Variants in NOX4 observed in about 807,000 individuals in gnomAD.
The protein encoded by NOX4 is kidney oxidase-1.
Under a neutral mutation model 87.6 loss-of-function variants are expected in NOX4, and 69 were observed. The ratio of observed to expected loss-of-function variants is 0.79; its 90% CI spans 0.65 to 0.96. The LOEUF is 0.96. NOX4 is among the 40% of genes least tolerant of loss of function. The pLI, the probability that NOX4 is intolerant of heterozygous loss-of-function variation, is 0.00. For missense variants in NOX4, 680 were observed against 681.5 expected (o/e 1.00, Z 0.02); for synonymous variants, 275 against 238.2 (o/e 1.15, Z -1.42).
At chr11:89,571,362 T>A in the NOX4 span, among the ~76,000 whole-genome samples, 1 of 151,862 alleles carries the variant, frequency 6.6e-6, no homozygotes, top group Non-Finnish European at 1.5e-5. Flanking sequence ...AGTGGCATGA[T>A]GTCGACTCAC....
At chr11:89,438,726 A>G (rs1337874356) in intron 6 of NOX4, among the ~76,000 whole-genome samples, 1 of 68,854 alleles carries the variant, frequency 1.5e-5, no homozygotes, top group Non-Finnish European at 2.5e-5. Flanking sequence ...ATATTATTAT[A>G]TCATATATAC....
chr11:89,493,604 G>T (rs897290888), upstream of NOX4, among the ~76,000 whole-genome samples: 1 of 151,880 alleles, frequency 6.6e-6, no homozygotes, highest in Admixed American at 6.6e-5. Flanking sequence ...TGTTTATGTT[G>T]CTTTACCAGG....
At chr11:89,545,747 C>A in the NOX4 span, 1 of 147,172 alleles carries the variant, frequency 6.8e-6, no homozygotes, top group African/African-American at 2.5e-5. Context: ...ATTATTTTCT[C>A]TCTTTCCTGC....
At chr11:89,461,304 A>G (rs893906014) in intron 2 of NOX4, among the ~76,000 whole-genome samples, 2 of 152,066 alleles carry the variant, frequency 1.3e-5, no homozygotes, top group African/African-American at 2.4e-5. Context: ...AACTTAAAGT[A>G]TAATTAAAAA....
At chr11:89,416,254 TA>T (rs779087010) in intron 8 of NOX4, among the ~76,000 whole-genome samples, 2 of 152,130 alleles carry the variant, frequency 1.3e-5, no homozygotes, top group Non-Finnish European at 2.9e-5. Flanking sequence ...TAGAGGAAAG[TA>T]AAAATTTTCT....
rs1565293258 is a variant in NOX4 at position 89,438,804 on chromosome 11, ATATATT to A, written c.475+1878_475+1883del. ...AATAATATATAGTGTATAATATATT[ATATATT>A]ATATATATTATATAATATCTTATAT... On this transcript the variant is annotated intron_variant, in intron 6 of 17. Transcript: ENST00000263317. 0.014 allele frequency among the ~76,000 whole-genome samples: 372 copies of A among 26,164 alleles called. 17 individuals are homozygous for A. The African/African-American group carries it at 0.15, about 11-fold the overall frequency. The allele number at this position is 26,164 out of a possible 152,430, so 17.2% of individuals were successfully genotyped here.
chr11:89,489,759 A>G (rs1946778697), intron 2 of NOX4, among the ~76,000 whole-genome samples: 1 of 151,904 alleles, frequency 6.6e-6, no homozygotes, highest in South Asian at 2.1e-4. Flanking sequence ...GAAAGAAAGA[A>G]AAAGAAAACG....
chr11:89,439,272 TAA>T (rs922937090), intron 6 of NOX4, among the ~76,000 whole-genome samples: 2 of 151,726 alleles, frequency 1.3e-5, no homozygotes, highest in African/African-American at 4.8e-5. Context: ...GGTTGATACG[TAA>T]AGTTTTCTTT....
At chr11:89,506,174 A>G in the NOX4 span, among the ~76,000 whole-genome samples, 2 of 151,434 alleles carry the variant, frequency 1.3e-5, no homozygotes, top group Non-Finnish European at 3.0e-5. Context: ...AGTCTTCCTA[A>G]TAACAGTTTT....
At chr11:89,410,953 G>A (rs958577963) in intron 8 of NOX4, among the ~76,000 whole-genome samples, 11 of 152,000 alleles carry the variant, frequency 7.2e-5, no homozygotes, top group Non-Finnish European at 2.9e-5. Flanking sequence ...TCACAGTTCT[G>A]GGAGAGACCT....
intron 17 of NOX4, among the ~76,000 whole-genome samples, chr11:89,333,855 C>T (rs1402668259): frequency 1.3e-5 from 2 of 151,694 alleles, no homozygotes; most frequent in Non-Finnish European, 3.0e-5. Context: ...GCCTGAGAAC[C>T]AATACACAAA....
At chr11:89,347,709 AATAGTCATCAC>A (rs553382630) in intron 13 of NOX4, among the ~76,000 whole-genome samples, 41 of 152,248 alleles carry the variant, frequency 2.7e-4, no homozygotes, top group Non-Finnish European at 4.3e-4. Context: ...CTTCTTGCAT[AATAGTCATCAC>A]ATTCTGTTAA....
rs1206330607 is a variant in NOX4, at chr11:89,367,800, A to C, written c.1135+5632T>G. ...GACCAAGTTTCATAGCAAGATCTAC[A>C]AGCTCTTCCTTGGCCTAATATTTGG... On this transcript the variant is annotated intron_variant, in intron 12 of 17. Coordinates refer to ENST00000263317, the MANE Select transcript of NOX4 (RefSeq NM_016931.5). 2.0e-5 allele frequency among the ~76,000 whole-genome samples: 3 copies of C among 152,190 alleles called. No individual in the cohort carries two copies. In the East Asian group the frequency reaches 5.8e-4, roughly 29 times the overall value.
At chr11:89,541,567 C>A in the NOX4 span, among the ~76,000 whole-genome samples, 2 of 151,968 alleles carry the variant, frequency 1.3e-5, no homozygotes, top group African/African-American at 2.4e-5. Flanking sequence ...TTCTGGTTTT[C>A]AGCATAGTTG....
chr11:89,446,106 G>A (rs183488814), intron 4 of NOX4, among the ~76,000 whole-genome samples: 202 of 152,144 alleles, frequency 1.3e-3, no homozygotes, highest in South Asian at 9.5e-3. Flanking sequence ...AAACAAGCAC[G>A]AAAAGATGAT....
chr11:89,572,906 A>G, the NOX4 span, among the ~76,000 whole-genome samples: 1 of 151,996 alleles, frequency 6.6e-6, no homozygotes, highest in Non-Finnish European at 1.5e-5. Flanking sequence ...TATTTGTCTT[A>G]TGTAGTCTTA....
intron 12 of NOX4, among the ~76,000 whole-genome samples, chr11:89,372,004 A>T (rs1398190876): frequency 6.6e-6 from 1 of 151,574 alleles, no homozygotes; most frequent in Non-Finnish European, 1.5e-5. Flanking sequence ...ATTTTTTTTA[A>T]CTCTATGAAA....
At chr11:89,472,451 C>A (rs1945988642) in intron 2 of NOX4, among the ~76,000 whole-genome samples, 1 of 151,774 alleles carries the variant, frequency 6.6e-6, no homozygotes, top group South Asian at 2.1e-4. Flanking sequence ...ACTAAAGGGG[C>A]TACCAAAAAT....
chr11:89,357,916 G>T (rs962462401), intron 12 of NOX4, among the ~76,000 whole-genome samples: 7 of 151,798 alleles, frequency 4.6e-5, no homozygotes, highest in Middle Eastern at 3.2e-3. Context: ...AGATGCACAC[G>T]TGTGTGTGCA....
Sources: allele counts gnomAD v4.1 joint callset (sites outside exome capture counted in the v4.1 genomes callset), GRCh38; gene constraint gnomAD v4.1.1; transcripts MANE v1.5; gene names NCBI Gene and HGNC (gene_info 2026-07-23, HGNC 2026-07-21).